The following LRP1B variants were observed in gnomAD, a reference collection of about 807,000 sequenced individuals.
LRP1B encodes the protein low-density lipoprotein receptor-related protein 1B.
A neutral mutation model predicts 556.6 loss-of-function variants in LRP1B; 217 were observed. The ratio of observed to expected loss-of-function variants is 0.39; its 90% CI spans 0.35 to 0.44. LRP1B has a LOEUF of 0.44. Ranked by LOEUF, LRP1B falls within the 20% of genes least tolerant of loss-of-function variation. The probability of loss-of-function intolerance (pLI) is 1.00; values close to 1 mark genes in which losing one functional copy is unlikely to be tolerated. For synonymous variants in LRP1B, 2,047 were observed against 1,865.8 expected, an observed-to-expected ratio of 1.10 and a Z score of -2.50; for missense variants, 5,053 against 5,620.8, an observed-to-expected ratio of 0.90 and a Z score of 3.23.
At chr2:141,115,641 GTGTGTGTGTGTGTGTGTT>G (rs1403270999) in intron 7 of LRP1B, among the ~76,000 whole-genome samples, 1 of 116,048 alleles carries the variant, frequency 8.6e-6, no homozygotes, top group Non-Finnish European at 2.0e-5. Flanking sequence ...GTGTGTGTGT[GTGTGTGTGTGTGTGTGTT>G]TTTTAGTAGA....
chr2:141,909,015 C>T (rs908300169), intron 1 of LRP1B, among the ~76,000 whole-genome samples: 1 of 152,022 alleles, frequency 6.6e-6, no homozygotes, highest in Non-Finnish European at 1.5e-5. Context: ...ACCCCACTTA[C>T]GTACTGTGCA....
chr2:140,457,616 T>C lies in LRP1B; in HGVS notation c.9661A>G (p.Thr3221Ala), dbSNP rs1326580155. ...CAGTAGATGTAGTCTTCAAACAATG[T>C]TAGTGCAATCACCCCTGGAATATCT... is the stretch of plus-strand genomic sequence containing the variant. The part of the protein sequence containing the change: ...NQDIPGVIAL[T>A]LFEDYIYWTD... Residue 3221 changes from threonine (T) to alanine (A), a missense_variant, in exon 61 of 91, where the codon ACA becomes GCA. Thr to Ala is a moderately conservative substitution (Grantham distance 58). Around this residue, in one of 5 missense-constraint regions of LRP1B, gnomAD observed 262 missense variants for 395.1 expected, o/e 0.66. Coordinates refer to ENST00000389484, the MANE Select transcript of LRP1B (RefSeq NM_018557.3). The C allele has an allele frequency of 1.9e-6, 3 of 1,613,694 alleles. No individual in the cohort carries two copies. Among genetic ancestry groups the C allele is most frequent in the East Asian group, 2.2e-5 (1 of 44,862 alleles).
chr2:140,400,924 T>C (rs1684469110), intron 66 of LRP1B, among the ~76,000 whole-genome samples: 1 of 151,992 alleles, frequency 6.6e-6, no homozygotes, highest in Non-Finnish European at 1.5e-5. Flanking sequence ...TAGAGAGTGG[T>C]AAAAAAGATA....
chr2:141,353,879 T>C (rs1249216302), intron 3 of LRP1B, among the ~76,000 whole-genome samples: 2 of 152,056 alleles, frequency 1.3e-5, no homozygotes, highest in African/African-American at 2.4e-5. Context: ...ATCTGAATAT[T>C]AAGAAAATTT....
chr2:140,749,458 A>G lies in LRP1B; in HGVS notation c.5758+19755T>C, dbSNP rs1361828049. ...TGTAAAAAATTTTTTTTCTTGCTTTATATCCTTATTATATAAACTTTATTC... is the reference window on the plus strand; with the variant it reads ...TGTAAAAAATTTTTTTTCTTGCTTTGTATCCTTATTATATAAACTTTATTC... On this transcript the variant is annotated intron_variant, in intron 35 of 90. Transcript: ENST00000389484. Among the ~76,000 whole-genome samples, 2 of 151,830 alleles carry G rather than the reference A, an allele frequency of 1.3e-5. 1 individual carries two copies. Among genetic ancestry groups the G allele is most frequent in the Non-Finnish European group, 2.9e-5 (2 of 67,972 alleles).
Position 140,274,424 on chromosome 2 carries a change from T to C in LRP1B, c.13142A>G (p.Asn4381Ser). The change falls in exon 85 of 91, where the codon AAC becomes AGC. Residue 4381 changes from asparagine (N) to serine (S), a missense_variant and splice_region_variant. Coordinates refer to ENST00000389484, the MANE Select transcript of LRP1B (RefSeq NM_018557.3). ...INKDSEDIFC[N>S]CTNGKIASSC... The stretch of plus-strand genomic sequence containing the variant: ...TAAATTAAGCTGGGTGTCCACTTAC[T>C]TGCAAAATATATCTTCACTGTCTTT... 6.2e-7 allele frequency: 1 copy of C among 1,612,084 alleles called. No homozygotes were observed. Among genetic ancestry groups the C allele is most frequent in the Non-Finnish European group, 8.5e-7 (1 of 1,178,718 alleles).
intron 66 of LRP1B, among the ~76,000 whole-genome samples, chr2:140,429,106 C>T (rs1309763758): frequency 6.6e-6 from 1 of 152,166 alleles, no homozygotes; most frequent in Non-Finnish European, 1.5e-5. Context: ...CCTAATCACC[C>T]TTACCCTGCT....
At chr2:141,166,006 A>G (rs1401635704) in intron 7 of LRP1B, among the ~76,000 whole-genome samples, 2 of 151,998 alleles carry the variant, frequency 1.3e-5, no homozygotes, top group African/African-American at 4.8e-5. Context: ...CCCTAGTGCA[A>G]GCAACCTCTA....
At chr2:140,881,987 C>A (rs1246336381) in intron 25 of LRP1B, among the ~76,000 whole-genome samples, 2 of 152,146 alleles carry the variant, frequency 1.3e-5, no homozygotes, top group Non-Finnish European at 2.9e-5. Flanking sequence ...ACTGCAAAAT[C>A]TATCTTGTTT....
intron 1 of LRP1B, among the ~76,000 whole-genome samples, chr2:142,129,590 C>CTCTT: frequency 1.2e-4 from 1 of 8,342 alleles, no homozygotes; most frequent in Non-Finnish European, 2.4e-4. Flanking sequence ...CTCTTTCTCT[C>CTCTT]TCTCTCTCTC....
At chr2:140,665,981 TAA>T (rs200495496) in intron 41 of LRP1B, among the ~76,000 whole-genome samples, 1 of 138,232 alleles carries the variant, frequency 7.2e-6, no homozygotes, top group Non-Finnish European at 1.5e-5. Flanking sequence ...TTCAGTGGAG[TAA>T]AAAAAAAAAA....
At chr2:140,600,197 A>C (rs1416755102) in intron 42 of LRP1B, among the ~76,000 whole-genome samples, 1 of 152,254 alleles carries the variant, frequency 6.6e-6, no homozygotes, top group African/African-American at 2.4e-5. Flanking sequence ...AAACTGACTT[A>C]CAAATTCCTT....
chr2:141,331,541 T>TTTCTTTCTTTCTTTCTTTCTTTTTCTTTC (rs141339943), intron 3 of LRP1B, among the ~76,000 whole-genome samples: 3 of 144,646 alleles, frequency 2.1e-5, no homozygotes, highest in Non-Finnish European at 4.5e-5. Flanking sequence ...TCTTTCTTTC[T>TTTCTTTCTTTCTTTCTTTCTTTTTCTTTC]TTCTTTCTTT....
chr2:141,792,755 C>A (rs1365029477), intron 2 of LRP1B, among the ~76,000 whole-genome samples: 2 of 151,944 alleles, frequency 1.3e-5, no homozygotes, highest in Non-Finnish European at 2.9e-5. Flanking sequence ...TGGTCTCAGA[C>A]CACAGGGAAC....
intron 79 of LRP1B, among the ~76,000 whole-genome samples, chr2:140,326,208 C>CCATTTT (rs1378133684): frequency 2.0e-5 from 3 of 152,116 alleles, no homozygotes; most frequent in African/African-American, 7.2e-5. Context: ...TTTAATATTT[C>CCATTTT]CATTTTCATC....
At chr2:140,877,773 A>G (rs1693354851) in intron 25 of LRP1B, among the ~76,000 whole-genome samples, 1 of 152,126 alleles carries the variant, frequency 6.6e-6, no homozygotes, top group South Asian at 2.1e-4. Context: ...CATCTTACAT[A>G]TGTGGATTGA....
chr2:141,849,520 C>T (rs1385155487), intron 1 of LRP1B, among the ~76,000 whole-genome samples: 1 of 151,584 alleles, frequency 6.6e-6, no homozygotes, highest in South Asian at 2.1e-4. Flanking sequence ...TTCAAATCTA[C>T]TGTCTCATAA....
chr2:140,633,352 T>A (rs938168324), intron 41 of LRP1B, among the ~76,000 whole-genome samples: 1 of 152,116 alleles, frequency 6.6e-6, no homozygotes, highest in African/African-American at 2.4e-5. Context: ...ATTTATTGCA[T>A]TAAATGCATA....
At chr2:141,816,492 A>T (rs1423002061) in intron 1 of LRP1B, among the ~76,000 whole-genome samples, 1 of 152,164 alleles carries the variant, frequency 6.6e-6, no homozygotes, top group Non-Finnish European at 1.5e-5. Flanking sequence ...GACTTACACC[A>T]GTGATTTGCC....
Sources: gnomAD v4.1 joint callset for allele counts (sites outside exome capture counted in the v4.1 genomes callset) on GRCh38, gnomAD v4.1.1 for gene constraint, gnomAD v4.1.1 regional missense constraint, MANE v1.5 for transcripts, NCBI Gene and HGNC (gene_info 2026-07-23, HGNC 2026-07-21) for gene names.